Variants in PTPRD observed in about 807,000 individuals in gnomAD.
PTPRD encodes the protein receptor-type tyrosine-protein phosphatase delta.
A neutral mutation model predicts 214.5 loss-of-function variants in PTPRD; 34 were observed. The ratio of observed to expected loss-of-function variants is 0.16; its 90% CI spans 0.12 to 0.21. The LOEUF (loss-of-function observed/expected upper bound fraction) is 0.21, where lower values mean the gene tolerates loss of function less well. PTPRD is among the 10% of genes least tolerant of loss of function. The pLI is 1.00. For synonymous variants in PTPRD, 1,128 were observed against 845.7 expected, an observed-to-expected ratio of 1.33 and a Z score of -5.79; for missense variants, 2,545 against 2,398.7, an observed-to-expected ratio of 1.06 and a Z score of -1.27.
intron 7 of PTPRD, among the ~76,000 whole-genome samples, chr9:9,716,311 C>T (rs988626570): frequency 9.9e-5 from 15 of 151,904 alleles, no homozygotes; most frequent in Middle Eastern, 3.4e-3. Flanking sequence ...CTGTAATAAA[C>T]ATACGTGTGC....
intron 2 of PTPRD, among the ~76,000 whole-genome samples, chr9:10,472,888 T>G (rs867299072): frequency 1.3e-5 from 2 of 151,888 alleles, no homozygotes; most frequent in African/African-American, 4.8e-5. Context: ...AGAAAAATTT[T>G]AAAAAAATTA....
intron 11 of PTPRD, among the ~76,000 whole-genome samples, chr9:8,881,604 C>T (rs555480940): frequency 2.0e-5 from 3 of 152,264 alleles, no homozygotes; most frequent in African/African-American, 4.8e-5. Flanking sequence ...CATAATTCAA[C>T]GTACGTGTTT....
At chr9:8,418,818 A>G (rs2094142770) in intron 35 of PTPRD, among the ~76,000 whole-genome samples, 1 of 152,084 alleles carries the variant, frequency 6.6e-6, no homozygotes, top group Non-Finnish European at 1.5e-5. Context: ...TAAGCTATGA[A>G]CCATTCAAGT....
intron 11 of PTPRD, among the ~76,000 whole-genome samples, chr9:8,846,413 T>A (rs369597150): frequency 3.9e-5 from 6 of 152,238 alleles, no homozygotes; most frequent in African/African-American, 1.4e-4. Flanking sequence ...GACATTGGCT[T>A]CCAGGTACTC....
At chr9:10,134,175 A>T (rs2098924725) in intron 3 of PTPRD, among the ~76,000 whole-genome samples, 1 of 152,024 alleles carries the variant, frequency 6.6e-6, no homozygotes, top group Admixed American at 6.6e-5. Context: ...CATATACCAC[A>T]ACCAACTCTG....
intron 34 of PTPRD, among the ~76,000 whole-genome samples, chr9:8,437,782 T>C (rs1263339556): frequency 2.0e-5 from 3 of 151,754 alleles, no homozygotes; most frequent in South Asian, 2.1e-4. Flanking sequence ...AAAGCAGAGA[T>C]GGGGTGACAC....
At chr9:10,264,909 G>A (rs1564878646) in intron 3 of PTPRD, among the ~76,000 whole-genome samples, 1 of 152,120 alleles carries the variant, frequency 6.6e-6, no homozygotes, top group Non-Finnish European at 1.5e-5. Context: ...TGTTCTCATG[G>A]TAGTGAATAA....
intron 7 of PTPRD, among the ~76,000 whole-genome samples, chr9:9,727,510 G>A (rs1200170779): frequency 1.3e-5 from 2 of 152,150 alleles, no homozygotes; most frequent in Admixed American, 1.3e-4. Context: ...TATGTCAGAT[G>A]AGAGGCTAAA....
At chr9:9,708,605 G>T (rs532991261) in intron 7 of PTPRD, among the ~76,000 whole-genome samples, 1 of 151,924 alleles carries the variant, frequency 6.6e-6, no homozygotes, top group Non-Finnish European at 1.5e-5. Context: ...AAGTCCTCAA[G>T]AGTATTTCAC....
chr9:8,378,943 G>A (rs1262749527), intron 37 of PTPRD, among the ~76,000 whole-genome samples: 25 of 151,958 alleles, frequency 1.6e-4, no homozygotes, highest in Non-Finnish European at 1.5e-5. Flanking sequence ...TACATTTCTA[G>A]TAATAAGTTT....
chr9:10,323,417 T>G (rs2096590565), intron 3 of PTPRD, among the ~76,000 whole-genome samples: 1 of 150,458 alleles, frequency 6.6e-6, no homozygotes, highest in Admixed American at 6.6e-5. Flanking sequence ...ATCTCAGCCA[T>G]CCAAGTAGCT....
chr9:9,864,646 G>A (rs1285388047), intron 5 of PTPRD, among the ~76,000 whole-genome samples: 1 of 152,024 alleles, frequency 6.6e-6, no homozygotes, highest in Non-Finnish European at 1.5e-5. Flanking sequence ...AGCATCTTAT[G>A]TAGCTGGGAC....
intron 7 of PTPRD, among the ~76,000 whole-genome samples, chr9:9,605,217 A>G (rs769337497): frequency 2.0e-5 from 3 of 152,104 alleles, no homozygotes; most frequent in Non-Finnish European, 4.4e-5. Context: ...TACTTTTCAC[A>G]GTGAAATAAA....
intron 9 of PTPRD, among the ~76,000 whole-genome samples, chr9:9,256,331 C>A (rs1344625785): frequency 1.3e-5 from 2 of 151,976 alleles, no homozygotes; most frequent in East Asian, 1.9e-4. Flanking sequence ...ATTATCTTTC[C>A]TTCACATTTC....
intron 14 of PTPRD, among the ~76,000 whole-genome samples, chr9:8,561,892 C>A (rs1000571201): frequency 2.6e-5 from 4 of 151,868 alleles, no homozygotes; most frequent in Admixed American, 6.6e-5. Flanking sequence ...AGATGCTTTG[C>A]AAAACTATAA....
intron 2 of PTPRD, among the ~76,000 whole-genome samples, chr9:10,355,357 C>T (rs951112861): frequency 4.1e-5 from 6 of 147,830 alleles, no homozygotes; most frequent in Admixed American, 1.4e-4. Context: ...CAATACTTTG[C>T]TAATGTGAAC....
intron 7 of PTPRD, among the ~76,000 whole-genome samples, chr9:9,715,835 C>A (rs1375057930): frequency 2.6e-5 from 4 of 152,050 alleles, no homozygotes; most frequent in African/African-American, 4.8e-5. Flanking sequence ...CAAACTGTTG[C>A]TAAGAAGCTT....
intron 4 of PTPRD, among the ~76,000 whole-genome samples, chr9:9,940,413 G>A (rs4510918): frequency 0.56 from 85,651 of 151,736 alleles, 27,117 homozygotes; most frequent in East Asian, 0.91. Context: ...AATAGGATAG[G>A]AAAGAAAGAG....
At chr9:9,462,285 T>C (rs2093728522) in intron 8 of PTPRD, among the ~76,000 whole-genome samples, 1 of 152,160 alleles carries the variant, frequency 6.6e-6, no homozygotes, top group Non-Finnish European at 1.5e-5. Context: ...TTAATAGTAA[T>C]TTCTGGCAGT....
Sources: allele counts gnomAD v4.1 joint callset (sites outside exome capture counted in the v4.1 genomes callset), GRCh38; gene constraint gnomAD v4.1.1; transcripts MANE v1.5; gene names NCBI Gene and HGNC (gene_info 2026-07-23, HGNC 2026-07-21).